ALMS1: variants seen among roughly 807,000 people sequenced by gnomAD.
The protein encoded by ALMS1 is centrosome-associated protein ALMS1.
Under a neutral mutation model 352.2 loss-of-function variants are expected in ALMS1, and 271 were observed. The observed-to-expected ratio is 0.77, with a 90% CI of 0.70 to 0.85. ALMS1 has a LOEUF of 0.85. Ranked by LOEUF, ALMS1 falls within the 40% of genes least tolerant of loss-of-function variation. ALMS1 has a pLI of 0.00. For synonymous variants in ALMS1, 1,865 were observed against 1,761.2 expected, an observed-to-expected ratio of 1.06 and a Z score of -1.48; for missense variants, 5,445 against 4,870.7, an observed-to-expected ratio of 1.12 and a Z score of -3.51.
intron 9 of ALMS1, among the ~76,000 whole-genome samples, chr2:73,467,921 G>A (rs1036707413): frequency 3.3e-5 from 5 of 152,004 alleles, no homozygotes; most frequent in Non-Finnish European, 7.4e-5. Context: ...TACCTCTGGT[G>A]GAGTCAGGTG....
intron 13 of ALMS1, among the ~76,000 whole-genome samples, chr2:73,554,414 G>A (rs1674499918): frequency 6.6e-6 from 1 of 151,984 alleles, no homozygotes; most frequent in African/African-American, 2.4e-5. Context: ...CCAGGAAATA[G>A]AGAAAGTAGG....
Position 73,489,804 on chromosome 2 carries a change from A to G in ALMS1, c.7845A>G (p.Gly2615=). 1.2e-6 allele frequency: 2 copies of G among 1,614,184 alleles called. No individual in the cohort carries two copies. Among genetic ancestry groups the G allele is most frequent in the Non-Finnish European group, 1.7e-6 (2 of 1,180,036 alleles). ...RSAGPSEMTR[G]RQNPSSCRAK... ...CTGGACCCTCAGAAATGACCAGAGG[A>G]CGGCAGAACCCATCATCATGCAGAG... is the stretch of plus-strand genomic sequence containing the variant. The change falls in exon 10 of 23, where the codon GGA becomes GGG. Residue 2615 remains glycine (G), a synonymous_variant. Coordinates refer to ENST00000613296, the MANE Select transcript of ALMS1 (RefSeq NM_001378454.1).
intron 16 of ALMS1, among the ~76,000 whole-genome samples, chr2:73,581,413 G>T (rs1457641153): frequency 6.6e-6 from 1 of 152,192 alleles, no homozygotes; most frequent in East Asian, 1.9e-4. Context: ...GTCTTTGGGA[G>T]CAGGTACCTA....
chr2:73,418,660 T>C (rs1042615781), intron 2 of ALMS1, among the ~76,000 whole-genome samples: 1 of 152,206 alleles, frequency 6.6e-6, no homozygotes, highest in Non-Finnish European at 1.5e-5. Flanking sequence ...CTGTTCCTTT[T>C]TGTAGTAAAA....
In ALMS1 at chr2:73,472,239, G is replaced by A. The variant is rs58934547; in HGVS notation, c.7674+16944G>A. Reference sequence around the variant, plus strand: ...TTAGGTAGGTATCACAGGCAAAGCAGATAGTTCAATATTGGGAAATTTATA... The same window carrying A: ...TTAGGTAGGTATCACAGGCAAAGCAAATAGTTCAATATTGGGAAATTTATA... On this transcript the variant is annotated intron_variant, in intron 9 of 22. Coordinates refer to ENST00000613296, the MANE Select transcript of ALMS1 (RefSeq NM_001378454.1). Among the ~76,000 whole-genome samples, 287 of 152,074 alleles carry A rather than the reference G, an allele frequency of 1.9e-3. 1 individual carries two copies. The highest frequency in any genetic ancestry group is 6.6e-3 in the African/African-American group (276 of 41,536).
At chr2:73,570,403 G>T (rs1488141874) in intron 15 of ALMS1, among the ~76,000 whole-genome samples, 1 of 152,146 alleles carries the variant, frequency 6.6e-6, no homozygotes, top group African/African-American at 2.4e-5. Flanking sequence ...CTGGAAATTG[G>T]CCATACATTG....
chr2:73,395,300 G>A (rs751028570), intron 1 of ALMS1, among the ~76,000 whole-genome samples: 2 of 151,068 alleles, frequency 1.3e-5, no homozygotes, highest in Admixed American at 1.3e-4. Flanking sequence ...GGCTGGTCCC[G>A]AACTCCTGAC....
chr2:73,558,154 A>G (rs919661935), intron 14 of ALMS1, among the ~76,000 whole-genome samples: 2 of 152,224 alleles, frequency 1.3e-5, no homozygotes, highest in Non-Finnish European at 2.9e-5. Flanking sequence ...GAAGCTGGGA[A>G]ATTGAGTTGT....
At chr2:73,595,846 A>G (rs1367963461) in intron 16 of ALMS1, among the ~76,000 whole-genome samples, 1 of 152,170 alleles carries the variant, frequency 6.6e-6, no homozygotes, top group Non-Finnish European at 1.5e-5. Context: ...GTGAAGTGGT[A>G]TCTTATTGTG....
At chr2:73,480,325 T>G (rs1672670862) in intron 9 of ALMS1, among the ~76,000 whole-genome samples, 2 of 151,488 alleles carry the variant, frequency 1.3e-5, no homozygotes, top group African/African-American at 2.4e-5. Flanking sequence ...GAATATGCGG[T>G]GTTTGCTTTT....
At chr2:73,433,434 A>T (rs1671549902) in intron 7 of ALMS1, among the ~76,000 whole-genome samples, 1 of 151,460 alleles carries the variant, frequency 6.6e-6, no homozygotes, top group South Asian at 2.1e-4. Flanking sequence ...TTCTTTATGA[A>T]GTTGATTAGA....
intron 10 of ALMS1, among the ~76,000 whole-genome samples, chr2:73,509,734 G>A (rs561081312): frequency 1.8e-3 from 268 of 152,212 alleles, no homozygotes; most frequent in African/African-American, 6.0e-3. Context: ...ACGATTATGT[G>A]TTTTGGGGTT....
chr2:73,580,177 A>T (rs986308194), intron 16 of ALMS1, among the ~76,000 whole-genome samples: 27 of 152,174 alleles, frequency 1.8e-4, no homozygotes, highest in Non-Finnish European at 3.4e-4. Flanking sequence ...CTCTGGGCTC[A>T]AGAAATCTTT....
chr2:73,560,133 A>C (rs188794553), intron 15 of ALMS1, among the ~76,000 whole-genome samples: 1 of 152,232 alleles, frequency 6.6e-6, no homozygotes, highest in African/African-American at 2.4e-5. Context: ...CATGGATCTG[A>C]TAAGGGATTA....
chr2:73,576,168 C>A (rs1247482632), intron 16 of ALMS1, among the ~76,000 whole-genome samples: 1 of 152,102 alleles, frequency 6.6e-6, no homozygotes, highest in Non-Finnish European at 1.5e-5. Context: ...TTCTGTTAGT[C>A]TATATATCTC....
At chr2:73,595,142 CCTT>C (rs1384178991) in intron 16 of ALMS1, among the ~76,000 whole-genome samples, 1 of 152,182 alleles carries the variant, frequency 6.6e-6, no homozygotes, top group African/African-American at 2.4e-5. Flanking sequence ...TCAAGAGTGT[CCTT>C]CCTACTCCTG....
At chr2:73,594,403 C>G (rs1675502768) in intron 16 of ALMS1, among the ~76,000 whole-genome samples, 1 of 152,174 alleles carries the variant, frequency 6.6e-6, no homozygotes, top group African/African-American at 2.4e-5. Context: ...TTCCAAGGCT[C>G]CTCATATAAT....
At chr2:73,454,377 A>G in intron 8 of ALMS1, 1 of 985,218 alleles carries the variant, frequency 1.0e-6, no homozygotes, top group Non-Finnish European at 1.2e-6. Context: ...GAGAGTAAAG[A>G]GGTCGCTTGG....
intron 10 of ALMS1, among the ~76,000 whole-genome samples, chr2:73,514,320 T>G (rs904416742): frequency 2.6e-5 from 4 of 152,084 alleles, no homozygotes; most frequent in Non-Finnish European, 5.9e-5. Context: ...TTCTTTTACT[T>G]TTTTTTCTTT....
Sources: gnomAD v4.1 joint callset for allele counts (sites outside exome capture counted in the v4.1 genomes callset) on GRCh38, gnomAD v4.1.1 for gene constraint, MANE v1.5 for transcripts, NCBI Gene and HGNC (gene_info 2026-07-23, HGNC 2026-07-21) for gene names.